CACNA1B: variants seen among roughly 807,000 people sequenced by gnomAD.
CACNA1B encodes the protein voltage-dependent N-type calcium channel subunit alpha-1B.
CACNA1B carries 70 observed loss-of-function variants against 247.2 expected under a neutral mutation model. The observed-to-expected ratio is 0.28, with a 90% CI of 0.23 to 0.35. The LOEUF is 0.35. Ranked by LOEUF, CACNA1B falls within the 10% of genes least tolerant of loss-of-function variation. The pLI is 1.00. For synonymous variants in CACNA1B, 1,231 were observed against 1,294.4 expected (o/e 0.95, Z 1.05); for missense variants, 2,367 against 3,197.4 (o/e 0.74, Z 6.26).
At chr9:137,959,902 C>A (rs1247207516) in intron 10 of CACNA1B, among the ~76,000 whole-genome samples, 1 of 152,172 alleles carries the variant, frequency 6.6e-6, no homozygotes, top group East Asian at 1.9e-4. Flanking sequence ...ATGCCAGAGC[C>A]CCTGTCCGGA....
chr9:137,940,703 A>G (rs988162768), intron 6 of CACNA1B, among the ~76,000 whole-genome samples: 1 of 152,228 alleles, frequency 6.6e-6, no homozygotes, highest in African/African-American at 2.4e-5. Context: ...ACAGTATATC[A>G]AGAAGATAAT....
intron 1 of CACNA1B, 134 bp from the exon 2 acceptor site, chr9:137,878,920 A>G (rs377680096): frequency 1.7e-6 from 1 of 596,714 alleles, no homozygotes; most frequent in South Asian, 1.9e-5. Context: ...TTCCGCCAGG[A>G]GAGGGGCTCC....
In CACNA1B at chr9:137,895,216, C is replaced by G. The variant is rs865880874; in HGVS notation, c.530+12333C>G. On this transcript the variant is annotated intron_variant, in intron 3 of 46. Transcript: ENST00000371372. ...GTTCCATTGATCTGTGTGTGTCCCT[C>G]GTACCACACAGTCCTGATCACGGTA... Among the ~76,000 whole-genome samples, 6 of 152,148 alleles carry G rather than the reference C, an allele frequency of 3.9e-5. No individual in the cohort carries two copies. The South Asian group carries it at 6.2e-4, about 16-fold the overall frequency.
rs185110486 is a variant in CACNA1B, at chr9:138,009,797, G to A, written c.2093-213G>A. Among the ~76,000 whole-genome samples, 25 of 152,284 alleles carry A rather than the reference G, an allele frequency of 1.6e-4. No homozygotes were observed. In the East Asian group the frequency reaches 4.3e-3, roughly 26 times the overall value. On this transcript the variant is annotated intron_variant, in intron 16 of 46. Coordinates refer to ENST00000371372, the MANE Select transcript of CACNA1B (RefSeq NM_000718.4). ...GTGATGGGAGGCTGAGCAAAGGAGG[G>A]ATTGGCAGAGAGGCTGGAGGTGAGG...
intron 42 of CACNA1B, 129 bp downstream of exon 42, chr9:138,115,808 G>A: frequency 6.5e-6 from 6 of 919,872 alleles, no homozygotes; most frequent in Non-Finnish European, 9.7e-6. Flanking sequence ...CACCAGCTTG[G>A]AGGCACCTGA....
chr9:138,046,800 G>A (rs1959189357), intron 21 of CACNA1B, 104 bp from the exon 22 acceptor site: 5 of 1,109,760 alleles, frequency 4.5e-6, no homozygotes, highest in African/African-American at 1.6e-5. Context: ...AGCTTCCTGA[G>A]GCAGCCCAGA....
intron 15 of CACNA1B, among the ~76,000 whole-genome samples, chr9:137,989,278 GAAGC>G (rs1958403517): frequency 6.6e-6 from 1 of 152,206 alleles, no homozygotes; most frequent in Non-Finnish European, 1.5e-5. Flanking sequence ...TTACATTTTA[GAAGC>G]AGAGTGAACC....
At position 138,059,222 on chromosome 9, in the gene CACNA1B, C is replaced by A. The variant is rs1164656239; in HGVS notation, c.4584+33C>A. The A allele has an allele frequency of 7.5e-7, 1 of 1,330,982 alleles. No homozygotes were observed. The highest frequency in any genetic ancestry group is 1.1e-6 in the Non-Finnish European group (1 of 926,666). The allele number at this position is 1,330,982 out of a possible 1,614,324, so 82.4% of individuals were successfully genotyped here. On this transcript the variant is annotated intron_variant, in intron 30 of 46. Coordinates refer to ENST00000371372, the MANE Select transcript of CACNA1B (RefSeq NM_000718.4). This position sits in a 1 kb window ranked among gnomAD's most constrained non-coding sequence, Gnocchi z 4.2. ...CTTTGGTCCCTGCTTTGCCTTTTGA[C>A]AACCTATATTCTGGTTCCCCATCTG...
At position 138,036,537 on chromosome 9, in the gene CACNA1B, A is replaced by G. The variant is rs112420015; in HGVS notation, c.3287-7237A>G. Among the ~76,000 whole-genome samples, 1,194 of 152,308 alleles carry G rather than the reference A, an allele frequency of 7.8e-3. 6 individuals carry two copies. Among genetic ancestry groups the G allele is most frequent in the South Asian group, 0.012 (59 of 4,822 alleles). On this transcript the variant is annotated intron_variant, in intron 20 of 46. Transcript: ENST00000371372. ...CATTGTTTGTGAGACGTGGTTTTACATCGTAGAAAATTCTCATTTGTTATC... is the reference window on the plus strand; with the variant it reads ...CATTGTTTGTGAGACGTGGTTTTACGTCGTAGAAAATTCTCATTTGTTATC...
intron 21 of CACNA1B, 112 bp from the exon 22 acceptor site, chr9:138,046,792 C>A: frequency 9.8e-7 from 1 of 1,015,500 alleles, no homozygotes; most frequent in Non-Finnish European, 1.4e-6. Flanking sequence ...GGGGCCACAG[C>A]TTCCTGAGGC....
Position 137,888,720 on chromosome 9 carries a change from G to C in CACNA1B, c.530+5837G>C, listed in dbSNP as rs1347206170. Among the ~76,000 whole-genome samples the C allele has an allele frequency of 6.6e-6, 1 of 152,228 alleles. No individual in the cohort carries two copies. Among genetic ancestry groups the C allele is most frequent in the African/African-American group, 2.4e-5 (1 of 41,468 alleles). ...GCTGCACCAGGAGGGAGTCTGGTCA[G>C]CGGAGCTCAGGGGCCGAGGCACTGC... On this transcript the variant is annotated intron_variant, in intron 3 of 46. Coordinates refer to ENST00000371372, the MANE Select transcript of CACNA1B (RefSeq NM_000718.4). This position sits in a 1 kb window ranked among gnomAD's most constrained non-coding sequence, Gnocchi z 4.7.
chr9:137,965,778 G>A (rs890211859), intron 10 of CACNA1B, among the ~76,000 whole-genome samples: 3 of 152,198 alleles, frequency 2.0e-5, no homozygotes, highest in Admixed American at 2.0e-4. Flanking sequence ...TAGAGACAGG[G>A]TTTCACCAGG....
chr9:137,925,616 T>G (rs1957540238), intron 6 of CACNA1B, among the ~76,000 whole-genome samples: 1 of 152,258 alleles, frequency 6.6e-6, no homozygotes, highest in Admixed American at 6.5e-5. Context: ...GATTTTTTTG[T>G]AGATTCCTTG....
intron 6 of CACNA1B, among the ~76,000 whole-genome samples, chr9:137,929,785 C>G (rs1266762355): frequency 1.3e-5 from 2 of 151,744 alleles, no homozygotes; most frequent in African/African-American, 4.8e-5. Flanking sequence ...GGGAGAGTAG[C>G]CAAGACCACA....
intron 36 of CACNA1B, among the ~76,000 whole-genome samples, chr9:138,091,424 G>A (rs888355264): frequency 6.6e-6 from 1 of 152,120 alleles, no homozygotes; most frequent in Admixed American, 6.5e-5. Flanking sequence ...GTTGGTGAAC[G>A]GATACAAAAG....
intron 11 of CACNA1B, 67 bp from the exon 12 acceptor site, chr9:137,975,838 CCA>C: frequency 1.1e-6 from 1 of 927,078 alleles, no homozygotes; most frequent in Non-Finnish European, 1.7e-6. Flanking sequence ...CTGGTGTCCT[CCA>C]GTCTGGGCTG....
At chr9:137,942,160 G>A (rs1280416372) in intron 6 of CACNA1B, among the ~76,000 whole-genome samples, 3 of 152,104 alleles carry the variant, frequency 2.0e-5, no homozygotes, top group Non-Finnish European at 4.4e-5. Flanking sequence ...CAAAAAGTGG[G>A]CTAAGGACAT....
At chr9:137,903,121 C>T (rs1957257934) in intron 3 of CACNA1B, among the ~76,000 whole-genome samples, 2 of 152,256 alleles carry the variant, frequency 1.3e-5, no homozygotes, top group South Asian at 2.1e-4. Flanking sequence ...CGGTGGCTCA[C>T]GCCTGTAATT....
chr9:138,106,225 G>A (rs1250926047), intron 39 of CACNA1B, among the ~76,000 whole-genome samples: 1 of 152,122 alleles, frequency 6.6e-6, no homozygotes, highest in Admixed American at 6.5e-5. Flanking sequence ...ACAGAGCGAT[G>A]CCAAAGCAAG....
Sources: gnomAD v4.1 joint callset for allele counts (sites outside exome capture counted in the v4.1 genomes callset) on GRCh38, gnomAD v4.1.1 for gene constraint, Gnocchi (gnomAD v3.1) non-coding constraint, MANE v1.5 for transcripts, NCBI Gene and HGNC (gene_info 2026-07-23, HGNC 2026-07-21) for gene names.